SCN9A: variants seen among roughly 807,000 people sequenced by gnomAD.
SCN9A encodes sodium channel protein type 9 subunit alpha.
In SCN9A, 131 loss-of-function variants were observed where a neutral mutation model predicts 187.0. The observed-to-expected ratio is 0.70, with a 90% confidence interval of 0.61 to 0.81. The LOEUF (loss-of-function observed/expected upper bound fraction) is 0.81. Ranked by LOEUF, SCN9A falls within the 30% of genes least tolerant of loss-of-function variation. SCN9A has a pLI of 0.00. For missense variants in SCN9A, 2,252 were observed against 2,396.6 expected (o/e 0.94, Z 1.26); for synonymous variants, 809 against 808.6 (o/e 1.00, Z -0.01).
intron 17 of SCN9A, among the ~76,000 whole-genome samples, chr2:166,271,858 G>T (rs534935032): frequency 1.3e-5 from 2 of 151,194 alleles, no homozygotes; most frequent in East Asian, 1.9e-4. Context: ...ACCTGTCTCC[G>T]TTTTTTAAAA....
intron 1 of SCN9A, among the ~76,000 whole-genome samples, chr2:166,369,180 A>G (rs188756672): frequency 3.9e-5 from 6 of 151,962 alleles, no homozygotes; most frequent in Admixed American, 3.9e-4. Flanking sequence ...ATAACATATA[A>G]TATAGTCCTT....
At chr2:166,280,327 T>C in intron 14 of SCN9A, 30 bp downstream of exon 14, 2 of 1,190,820 alleles carry the variant, frequency 1.7e-6, no homozygotes, top group Non-Finnish European at 2.4e-6. Context: ...AGAGAAACTA[T>C]GAGTACATAA....
chr2:166,213,738 T>C (rs78785491), intron 24 of SCN9A, among the ~76,000 whole-genome samples: 3,156 of 152,094 alleles, frequency 0.021, 121 homozygotes, highest in African/African-American at 0.073. Flanking sequence ...TTCAGCAACA[T>C]TGTGGAATAG....
rs201067551 is a variant in SCN9A, at chr2:166,197,634, G to A, written c.*1038C>T. The A allele has an allele frequency of 5.3e-5, 8 of 152,114 alleles. No individual in the cohort carries two copies. The highest frequency in any genetic ancestry group is 1.4e-4 in the African/African-American group (6 of 41,456). The allele number at this position is 152,114 out of a possible 1,614,324, so 9.4% of individuals were successfully genotyped here. On this transcript the variant is annotated 3_prime_UTR_variant, in exon 27 of 27. Coordinates refer to ENST00000642356, the MANE Select transcript of SCN9A (RefSeq NM_001365536.1). ...GTGATGCAATAAATACTGTGCCCAA[G>A]TTATTATCTGCTCAAGTATGTACCG... is the stretch of plus-strand genomic sequence containing the variant.
chr2:166,277,576 A>G, intron 15 of SCN9A: 2 of 437,506 alleles, frequency 4.6e-6, no homozygotes, highest in Non-Finnish European at 8.1e-6. Flanking sequence ...CTTTTAGTTC[A>G]GGATTGCTAT....
intron 18 of SCN9A, among the ~76,000 whole-genome samples, chr2:166,244,763 G>C (rs1695713804): frequency 6.6e-6 from 1 of 152,122 alleles, no homozygotes; most frequent in Middle Eastern, 3.4e-3. Flanking sequence ...TTGAGCTACT[G>C]TGAATCTCTT....
chr2:166,333,342 T>G (rs1699552338), intron 1 of SCN9A, among the ~76,000 whole-genome samples: 1 of 152,178 alleles, frequency 6.6e-6, no homozygotes, highest in Non-Finnish European at 1.5e-5. Flanking sequence ...ATGATTGGCT[T>G]TCATTAACAG....
chr2:166,281,610 T>C (rs1697490789), intron 13 of SCN9A, 69 bp downstream of exon 13: 15 of 1,466,918 alleles, frequency 1.0e-5, no homozygotes, highest in Non-Finnish European at 1.3e-5. Flanking sequence ...CATGTGCCTA[T>C]TTAAGGTTGA....
intron 8 of SCN9A, 137 bp from the exon 9 acceptor site, chr2:166,293,509 C>T: frequency 1.4e-6 from 1 of 692,638 alleles, no homozygotes; most frequent in Non-Finnish European, 2.2e-6. Context: ...CATGATTTGG[C>T]TACTGACTAC....
chr2:166,238,316 G>T, intron 19 of SCN9A, 49 bp from the exon 20 acceptor site: 1 of 1,220,606 alleles, frequency 8.2e-7, no homozygotes. Flanking sequence ...TAAGCTTCAT[G>T]ATTCATTTAA....
intron 1 of SCN9A, among the ~76,000 whole-genome samples, chr2:166,367,160 T>C (rs1177996477): frequency 2.6e-5 from 4 of 152,230 alleles, no homozygotes; most frequent in Non-Finnish European, 5.9e-5. Flanking sequence ...ACAAGATCAC[T>C]TTGCTTTTCA....
At chr2:166,274,930 G>T (rs1186789626) in intron 16 of SCN9A, among the ~76,000 whole-genome samples, 1 of 152,034 alleles carries the variant, frequency 6.6e-6, no homozygotes, top group Non-Finnish European at 1.5e-5. Context: ...TAACCTTATT[G>T]GTAGAACTCA....
At chr2:166,363,972 T>TA (rs1425993076) in intron 1 of SCN9A, among the ~76,000 whole-genome samples, 1 of 151,940 alleles carries the variant, frequency 6.6e-6, no homozygotes, top group Non-Finnish European at 1.5e-5. Context: ...TGGCAATATG[T>TA]AAAAAATTCC....
chr2:166,365,041 T>C lies in SCN9A; in HGVS notation c.-51+10656A>G, dbSNP rs1201842885. Among the ~76,000 whole-genome samples, 3 of 152,046 alleles carry C rather than the reference T, an allele frequency of 2.0e-5. No individual in the cohort carries two copies. In the East Asian group the frequency reaches 5.8e-4, roughly 29 times the overall value. On this transcript the variant is annotated intron_variant, in intron 1 of 26. Transcript: ENST00000642356. ...TATTTCATGAGAAATAATCATATAATAAACATCAAAATTGATCGAAATATA... is the reference window on the plus strand; with the variant it reads ...TATTTCATGAGAAATAATCATATAACAAACATCAAAATTGATCGAAATATA...
At chr2:166,338,230 A>G (rs1699676680) in intron 1 of SCN9A, among the ~76,000 whole-genome samples, 1 of 152,132 alleles carries the variant, frequency 6.6e-6, no homozygotes, top group Non-Finnish European at 1.5e-5. Context: ...ATGAACCCTT[A>G]TCAATTGTAA....
At chr2:166,244,493 T>C (rs1019297424) in intron 18 of SCN9A, among the ~76,000 whole-genome samples, 1 of 152,096 alleles carries the variant, frequency 6.6e-6, no homozygotes, top group Non-Finnish European at 1.5e-5. Flanking sequence ...TAAGGAAAGG[T>C]AATAAATACT....
intron 16 of SCN9A, 196 bp downstream of exon 16, chr2:166,276,787 T>C (rs888490669): frequency 1.1e-5 from 4 of 373,284 alleles, no homozygotes; most frequent in African/African-American, 6.3e-5. Context: ...AATATAAATA[T>C]GGGTTATTTG....
At chr2:166,345,735 T>C (rs1699884986) in intron 1 of SCN9A, among the ~76,000 whole-genome samples, 1 of 152,182 alleles carries the variant, frequency 6.6e-6, no homozygotes, top group African/African-American at 2.4e-5. Context: ...TCATTAGTAA[T>C]GAAGATGGTA....
intron 18 of SCN9A, among the ~76,000 whole-genome samples, chr2:166,251,112 TAA>T (rs1696015839): frequency 6.6e-6 from 1 of 151,704 alleles, no homozygotes; most frequent in South Asian, 2.1e-4. Flanking sequence ...AGGTTAGAGG[TAA>T]AGACATTGAT....
Sources: allele counts gnomAD v4.1 joint callset (sites outside exome capture counted in the v4.1 genomes callset), GRCh38; gene constraint gnomAD v4.1.1; transcripts MANE v1.5; gene names NCBI Gene and HGNC (gene_info 2026-07-23, HGNC 2026-07-21).